Variants in PARD3B observed in about 807,000 individuals in gnomAD.
The protein encoded by PARD3B is par-3 family cell polarity regulator beta.
Under a neutral mutation model 130.2 loss-of-function variants are expected in PARD3B, and 103 were observed. That is an observed-to-expected ratio of 0.79 (90% CI 0.67 to 0.93). The LOEUF is 0.93. Ranked by LOEUF, PARD3B falls within the 40% of genes least tolerant of loss-of-function variation. PARD3B has a pLI of 0.00. For synonymous variants in PARD3B, 583 were observed against 553.2 expected, an observed-to-expected ratio of 1.05 and a Z score of -0.76; for missense variants, 1,609 against 1,499.2, an observed-to-expected ratio of 1.07 and a Z score of -1.21.
chr2:205,160,575 G>C lies in PARD3B; in HGVS notation c.1620+1668G>C, dbSNP rs1380423289. ...GTTATGGCAAAGATGTAGATACAGA[G>C]AAGGGTAAAGAATTGAGTCCCATCA... On this transcript the variant is annotated intron_variant, in intron 11 of 22. Transcript: ENST00000406610. The surrounding 1 kb of genome is among the most constrained non-coding windows in gnomAD (Gnocchi z 4.0). 6.6e-6 allele frequency among the ~76,000 whole-genome samples: 1 copy of C among 152,204 alleles called. No homozygotes were observed. The highest frequency in any genetic ancestry group is 1.5e-5 in the Non-Finnish European group (1 of 68,040).
intron 18 of PARD3B, among the ~76,000 whole-genome samples, chr2:205,358,711 GGT>G (rs2044284628): frequency 6.6e-6 from 1 of 152,016 alleles, no homozygotes; most frequent in Non-Finnish European, 1.5e-5. Flanking sequence ...CGTTTTAGAC[GGT>G]GTGCTTTCCC....
intron 4 of PARD3B, among the ~76,000 whole-genome samples, chr2:205,089,996 A>T (rs1702004067): frequency 6.6e-6 from 1 of 152,184 alleles, no homozygotes. Context: ...ACAAGTGAAG[A>T]GGTGATTTGC....
rs2033055567 is a variant in PARD3B, at chr2:205,142,660, A to G, written c.1435-16062A>G. ...TTTGGGAGGCCGAGGTGGGCGGATC[A>G]AGAGGTCAGGAGTTTGAGACCAACC... On this transcript the variant is annotated intron_variant, in intron 10 of 22. Transcript: ENST00000406610. This position sits in a 1 kb window ranked among gnomAD's most constrained non-coding sequence, Gnocchi z 4.3. Among the ~76,000 whole-genome samples the G allele has an allele frequency of 1.3e-5, 2 of 152,018 alleles. No homozygotes were observed.
chr2:205,522,581 A>G (rs1159721156), intron 21 of PARD3B, among the ~76,000 whole-genome samples: 1 of 118,392 alleles, frequency 8.4e-6, no homozygotes, highest in African/African-American at 3.1e-5. Context: ...CTGAGTTCCT[A>G]TAGTATTATA....
Position 204,924,796 on chromosome 2 carries a change from T to A in PARD3B, c.223-40356T>A, listed in dbSNP as rs1687469242. 2.6e-5 allele frequency among the ~76,000 whole-genome samples: 4 copies of A among 152,080 alleles called. No individual in the cohort carries two copies. In the South Asian group the frequency reaches 8.3e-4, roughly 32 times the overall value. On this transcript the variant is annotated intron_variant, in intron 2 of 22. Transcript: ENST00000406610. ...ATAAGTGAAAATGCAATGCAAGTGATATATGTAAGTGCCGAATTGGATTCA... is the reference window on the plus strand; with the variant it reads ...ATAAGTGAAAATGCAATGCAAGTGAAATATGTAAGTGCCGAATTGGATTCA...
rs1013530890 is a variant in PARD3B at position 205,558,267 on chromosome 2, C to T, written c.3260+4864C>T. ...CCAGTGGTAGAGGCCATACCCAGGGCGAGTTAACCAGGAAGGTGGAGCATG... is the reference window on the plus strand; with the variant it reads ...CCAGTGGTAGAGGCCATACCCAGGGTGAGTTAACCAGGAAGGTGGAGCATG... On this transcript the variant is annotated intron_variant, in intron 22 of 22. Coordinates refer to ENST00000406610, the MANE Select transcript of PARD3B (RefSeq NM_001302769.2). The surrounding 1 kb of genome is among the most constrained non-coding windows in gnomAD (Gnocchi z 4.8). Among the ~76,000 whole-genome samples the T allele has an allele frequency of 5.9e-5, 9 of 151,994 alleles. No homozygotes were observed. Among genetic ancestry groups the T allele is most frequent in the African/African-American group, 2.2e-4 (9 of 41,346 alleles).
chr2:205,299,289 T>G (rs2041903657), intron 16 of PARD3B, among the ~76,000 whole-genome samples: 1 of 152,204 alleles, frequency 6.6e-6, no homozygotes, highest in African/African-American at 2.4e-5. Context: ...GTGATGATAG[T>G]AATAAAAGAT....
chr2:204,620,034 C>T (rs1053602209), intron 1 of PARD3B, among the ~76,000 whole-genome samples: 4 of 152,128 alleles, frequency 2.6e-5, no homozygotes, highest in Non-Finnish European at 4.4e-5. Flanking sequence ...TGGAATCTCG[C>T]TCTGTCACCC....
At chr2:204,671,020 T>C (rs980121542) in intron 1 of PARD3B, among the ~76,000 whole-genome samples, 1 of 152,132 alleles carries the variant, frequency 6.6e-6, no homozygotes, top group African/African-American at 2.4e-5. Context: ...TCTCTAAGCC[T>C]TGCATGGTTA....
chr2:205,350,421 A>G (rs1414883092), intron 18 of PARD3B, among the ~76,000 whole-genome samples: 2 of 152,188 alleles, frequency 1.3e-5, no homozygotes, highest in African/African-American at 4.8e-5. Context: ...CATCTCATAA[A>G]GTTAGATTTT....
At chr2:204,843,177 G>GA (rs977709569) in intron 2 of PARD3B, among the ~76,000 whole-genome samples, 14 of 148,940 alleles carry the variant, frequency 9.4e-5, no homozygotes, top group African/African-American at 2.2e-4. Flanking sequence ...AGCTTGGAGA[G>GA]AAAAAAAAAA....
At position 204,965,184 on chromosome 2, in the gene PARD3B, C is replaced by T. The variant is rs1049807329; in HGVS notation, c.255C>T (p.Leu85=). 1.9e-6 allele frequency: 3 copies of T among 1,613,812 alleles called. No homozygotes were observed. In the Admixed American group the frequency reaches 5.0e-5, roughly 27 times the overall value. The change falls in exon 3 of 23, where the codon CTC becomes CTT. Residue 85 remains leucine (L), a synonymous_variant. Transcript: ENST00000406610. ...LIAVFEEQEP[L]HKIESPSGNP... is the part of the protein sequence containing the mutation. ...CTGTGTTTGAAGAACAAGAACCACT[C>T]CACAAGATTGAGAGCCCCAGTGGAA...
intron 1 of PARD3B, among the ~76,000 whole-genome samples, chr2:204,566,710 T>C (rs2031692259): frequency 6.6e-6 from 1 of 152,188 alleles, no homozygotes; most frequent in Non-Finnish European, 1.5e-5. Flanking sequence ...ACTTTGTTAA[T>C]GTTTTTGTTT....
intron 3 of PARD3B, among the ~76,000 whole-genome samples, chr2:205,027,839 A>G (rs1005126172): frequency 1.2e-4 from 18 of 152,118 alleles, no homozygotes; most frequent in African/African-American, 4.3e-4. Context: ...CCCATTTTGC[A>G]TTCTTGGCAC....
At chr2:205,335,324 T>C (rs552214043) in intron 18 of PARD3B, among the ~76,000 whole-genome samples, 23 of 152,142 alleles carry the variant, frequency 1.5e-4, no homozygotes, top group Admixed American at 5.2e-4. Flanking sequence ...CTCTTGTATA[T>C]CTCTAAGGCT....
Position 205,183,730 on chromosome 2 carries a change from T to TTG in PARD3B, c.1925-1991_1925-1990dup, listed in dbSNP as rs71410805. 0.27 allele frequency among the ~76,000 whole-genome samples: 36,585 copies of TTG among 137,922 alleles called. 4,877 individuals are homozygous for TTG. Among genetic ancestry groups the TTG allele is most frequent in the Middle Eastern group, 0.4 (106 of 262 alleles). 90.5% of individuals were successfully genotyped at this position (137,922 alleles called of 152,430 possible). On this transcript the variant is annotated intron_variant, in intron 13 of 22. Transcript: ENST00000406610. This position sits in a 1 kb window ranked among gnomAD's most constrained non-coding sequence, Gnocchi z 5.2. The stretch of plus-strand genomic sequence containing the variant: ...GGTTCTGCAGAGAAACAGAACCAAG[T>TTG]TGTGTGTGTGTGTGTGTGTGTGTGT...
chr2:205,426,267 C>A (rs532805135), intron 19 of PARD3B, among the ~76,000 whole-genome samples: 82 of 152,250 alleles, frequency 5.4e-4, no homozygotes, highest in African/African-American at 1.3e-3. Context: ...ACTACTACTA[C>A]TAATAATAAT....
chr2:205,043,161 G>C (rs928734836), intron 3 of PARD3B, among the ~76,000 whole-genome samples: 1 of 151,816 alleles, frequency 6.6e-6, no homozygotes, highest in Non-Finnish European at 1.5e-5. Context: ...GTATTGTAAG[G>C]TTATATTTGT....
intron 2 of PARD3B, among the ~76,000 whole-genome samples, chr2:204,850,023 G>A (rs1445328779): frequency 1.3e-5 from 2 of 152,138 alleles, no homozygotes; most frequent in African/African-American, 4.8e-5. Flanking sequence ...CTATGCATAT[G>A]CCCATACATG....
Sources: allele counts gnomAD v4.1 joint callset (sites outside exome capture counted in the v4.1 genomes callset), GRCh38; gene constraint gnomAD v4.1.1; non-coding constraint Gnocchi (gnomAD v3.1); transcripts MANE v1.5; gene names NCBI Gene and HGNC (gene_info 2026-07-23, HGNC 2026-07-21).